VAV3: variants seen among roughly 807,000 people sequenced by gnomAD.
VAV3 encodes vav guanine nucleotide exchange factor 3.
Under a neutral mutation model 131.2 loss-of-function variants are expected in VAV3, and 94 were observed. That is an observed-to-expected ratio of 0.72 (90% CI 0.61 to 0.85). VAV3 has a LOEUF of 0.85. Ranked by LOEUF, VAV3 falls within the 40% of genes least tolerant of loss-of-function variation. The probability of loss-of-function intolerance (pLI) is 0.00; values close to 1 mark genes in which losing one functional copy is unlikely to be tolerated. For missense variants in VAV3, 939 were observed against 1,002.7 expected (o/e 0.94, Z 0.86); for synonymous variants, 349 against 342.0 (o/e 1.02, Z -0.22).
At chr1:107,648,595 GC>G (rs1279315907) in intron 19 of VAV3, among the ~76,000 whole-genome samples, 1 of 152,010 alleles carries the variant, frequency 6.6e-6, no homozygotes, top group Non-Finnish European at 1.5e-5. Context: ...CAGAAGCATA[GC>G]CCTGAGCTAT....
At chr1:107,683,179 A>G (rs906328689) in intron 19 of VAV3, among the ~76,000 whole-genome samples, 2 of 152,176 alleles carry the variant, frequency 1.3e-5, no homozygotes, top group Non-Finnish European at 1.5e-5. Context: ...TGGTTTTCTT[A>G]CTAGATTTAC....
intron 19 of VAV3, among the ~76,000 whole-genome samples, chr1:107,650,479 T>C (rs920145381): frequency 6.6e-6 from 1 of 151,924 alleles, no homozygotes; most frequent in African/African-American, 2.4e-5. Context: ...AATACATATG[T>C]TGACACGTAA....
At chr1:107,596,128 A>G in intron 25 of VAV3, 84 bp downstream of exon 25, 2 of 1,532,714 alleles carry the variant, frequency 1.3e-6, no homozygotes, top group Admixed American at 3.9e-5. Context: ...GTTATATTTT[A>G]AAATTTGGAA....
At chr1:107,580,266 C>T (rs1175869876) in intron 25 of VAV3, among the ~76,000 whole-genome samples, 3 of 152,156 alleles carry the variant, frequency 2.0e-5, no homozygotes, top group Non-Finnish European at 4.4e-5. Context: ...CCTTCCATTC[C>T]TTTAGCTCAT....
At chr1:107,804,132 C>T (rs76804309) in intron 2 of VAV3, among the ~76,000 whole-genome samples, 22,911 of 151,924 alleles carry the variant, frequency 0.15, 1,988 homozygotes, top group East Asian at 0.29. Flanking sequence ...CATGTGTCTT[C>T]ATAGGTGAGG....
At chr1:107,949,546 A>G (rs1364034175) in intron 1 of VAV3, among the ~76,000 whole-genome samples, 2 of 152,070 alleles carry the variant, frequency 1.3e-5, no homozygotes, top group Non-Finnish European at 2.9e-5. Flanking sequence ...GGCCCAAACA[A>G]TCCTCCCACC....
At chr1:107,742,390 A>T (rs1388216413) in intron 15 of VAV3, among the ~76,000 whole-genome samples, 1 of 152,242 alleles carries the variant, frequency 6.6e-6, no homozygotes, top group East Asian at 1.9e-4. Context: ...TTAAATAGGC[A>T]AACAGATCTA....
intron 10 of VAV3, among the ~76,000 whole-genome samples, chr1:107,760,423 G>A (rs529152052): frequency 1.3e-5 from 2 of 152,264 alleles, no homozygotes; most frequent in South Asian, 4.1e-4. Context: ...GGTCTAATAT[G>A]ATTAATCTGC....
At chr1:107,721,565 C>T (rs373473149) in intron 15 of VAV3, among the ~76,000 whole-genome samples, 6 of 152,224 alleles carry the variant, frequency 3.9e-5, no homozygotes, top group South Asian at 4.1e-4. Flanking sequence ...TCAGACACTT[C>T]GGAAGGAAAG....
At position 107,632,767 on chromosome 1, in the gene VAV3, C is replaced by T. The variant is rs1020703444; in HGVS notation, c.1914+9852G>A. Among the ~76,000 whole-genome samples the T allele has an allele frequency of 1.3e-5, 2 of 152,322 alleles. 1 individual carries two copies. The highest frequency in any genetic ancestry group is 4.1e-4 in the South Asian group (2 of 4,832). On this transcript the variant is annotated intron_variant, in intron 20 of 26. Coordinates refer to ENST00000370056, the MANE Select transcript of VAV3 (RefSeq NM_006113.5). ...TAGTGAACAGAGTTGGCACTCAATG[C>T]ATACTTGCTATCTGAAATAAATGTG...
At chr1:107,798,931 G>A (rs900031431) in intron 2 of VAV3, among the ~76,000 whole-genome samples, 8 of 152,054 alleles carry the variant, frequency 5.3e-5, no homozygotes, top group South Asian at 2.1e-4. Flanking sequence ...TGTACAACAA[G>A]CAGAAATGAT....
chr1:107,947,993 G>C (rs987223925), intron 1 of VAV3, among the ~76,000 whole-genome samples: 4 of 152,088 alleles, frequency 2.6e-5, no homozygotes, highest in Non-Finnish European at 5.9e-5. Context: ...TGGGAATTTG[G>C]GACACATTTT....
chr1:107,606,803 CTTTTTTTTTTTTT>C (rs34849497), intron 22 of VAV3, among the ~76,000 whole-genome samples: 2 of 58,000 alleles, frequency 3.4e-5, no homozygotes, highest in Admixed American at 2.2e-4. Context: ...ATGGTTTCTT[CTTTTTTTTTTTTT>C]TTTTTTTTTT....
chr1:107,839,628 GAAC>G (rs1384576585), intron 2 of VAV3, among the ~76,000 whole-genome samples: 4 of 151,990 alleles, frequency 2.6e-5, no homozygotes, highest in Non-Finnish European at 5.9e-5. Context: ...ACTAGAGAAA[GAAC>G]AACTTAAGCT....
intron 2 of VAV3, among the ~76,000 whole-genome samples, chr1:107,829,130 T>C (rs1304965674): frequency 5.7e-4 from 86 of 152,212 alleles, no homozygotes; most frequent in Non-Finnish European, 2.9e-5. Flanking sequence ...AGAGAGATGT[T>C]AGTAAAATAA....
At chr1:107,649,073 A>AC (rs2101558428) in intron 19 of VAV3, among the ~76,000 whole-genome samples, 2 of 151,670 alleles carry the variant, frequency 1.3e-5, no homozygotes, top group East Asian at 3.9e-4. Flanking sequence ...AAACAAACAA[A>AC]AAAAAAGCAA....
At chr1:107,938,671 C>T (rs1673841377) in intron 1 of VAV3, among the ~76,000 whole-genome samples, 1 of 152,146 alleles carries the variant, frequency 6.6e-6, no homozygotes, top group Non-Finnish European at 1.5e-5. Context: ...TATCTCATGA[C>T]ACTAAACCCA....
chr1:107,788,835 C>T (rs989375469), intron 2 of VAV3, among the ~76,000 whole-genome samples: 1 of 152,194 alleles, frequency 6.6e-6, no homozygotes, highest in Non-Finnish European at 1.5e-5. Flanking sequence ...TTTGCAAATC[C>T]TTCTCTGCCT....
chr1:107,812,579 T>C (rs755213104), intron 2 of VAV3, among the ~76,000 whole-genome samples: 3 of 151,958 alleles, frequency 2.0e-5, no homozygotes, highest in Non-Finnish European at 4.4e-5. Flanking sequence ...TTCCGTATGG[T>C]GAATAATGTA....
Sources: gnomAD v4.1 joint callset for allele counts (sites outside exome capture counted in the v4.1 genomes callset) on GRCh38, gnomAD v4.1.1 for gene constraint, MANE v1.5 for transcripts, NCBI Gene and HGNC (gene_info 2026-07-23, HGNC 2026-07-21) for gene names.